RBPMS: variants seen among roughly 807,000 people sequenced by gnomAD.
RBPMS encodes RNA binding protein, mRNA processing factor.
RBPMS carries 7 observed loss-of-function variants against 26.8 expected under a neutral mutation model. The ratio of observed to expected loss-of-function variants is 0.26; its 90% confidence interval spans 0.15 to 0.49. The LOEUF is 0.49. Ranked by LOEUF, RBPMS falls within the 20% of genes least tolerant of loss-of-function variation. RBPMS has a pLI of 0.98. For synonymous variants in RBPMS, 96 were observed against 93.3 expected, an observed-to-expected ratio of 1.03 and a Z score of -0.17; for missense variants, 186 against 250.0, an observed-to-expected ratio of 0.74 and a Z score of 1.73.
At chr8:30,545,450 C>A in intron 6 of RBPMS, 1 of 1,009,098 alleles carries the variant, frequency 9.9e-7, no homozygotes, top group African/African-American at 1.7e-5. Context: ...GATTGATGAC[C>A]AGTAACAAAT....
At chr8:30,475,230 C>T (rs1817559742) in intron 2 of RBPMS, among the ~76,000 whole-genome samples, 1 of 152,094 alleles carries the variant, frequency 6.6e-6, no homozygotes, top group Non-Finnish European at 1.5e-5. Flanking sequence ...TTAAAGGATA[C>T]CTAGGTGTAA....
intron 1 of RBPMS, among the ~76,000 whole-genome samples, chr8:30,472,406 A>G (rs1268000958): frequency 1.3e-5 from 2 of 152,220 alleles, no homozygotes; most frequent in African/African-American, 4.8e-5. Context: ...GGGATGGAGA[A>G]TGGTGGGACA....
At chr8:30,459,859 T>G (rs1313763538) in intron 1 of RBPMS, among the ~76,000 whole-genome samples, 1 of 152,228 alleles carries the variant, frequency 6.6e-6, no homozygotes, top group East Asian at 1.9e-4. Flanking sequence ...TAACCTAGAT[T>G]ATTTCTCAAC....
chr8:30,492,005 C>T (rs1380789394), intron 4 of RBPMS, among the ~76,000 whole-genome samples: 3 of 152,138 alleles, frequency 2.0e-5, no homozygotes, highest in African/African-American at 7.2e-5. Flanking sequence ...AATTCTTCTG[C>T]CTCAGCCTCC....
At chr8:30,527,064 T>A (rs1044065066) in intron 5 of RBPMS, among the ~76,000 whole-genome samples, 6 of 152,174 alleles carry the variant, frequency 3.9e-5, no homozygotes, top group African/African-American at 1.4e-4. Flanking sequence ...ACTTTCCCAG[T>A]TCTCTCTCCA....
At position 30,503,608 on chromosome 8, in the gene RBPMS, G is replaced by A. The variant is rs1449908040; in HGVS notation, c.247-678G>A. ...TTAGGAAGAATGGTGGCGAGGGGGC[G>A]GGGGATGCTTTGGAGCCCTCAGGCC... On this transcript the variant is annotated intron_variant, in intron 4 of 8. Transcript: ENST00000397323. 3.3e-5 allele frequency among the ~76,000 whole-genome samples: 5 copies of A among 151,634 alleles called. No individual in the cohort carries two copies. The South Asian group carries it at 6.3e-4, about 19-fold the overall frequency.
intron 5 of RBPMS, among the ~76,000 whole-genome samples, chr8:30,521,606 A>C (rs1296624560): frequency 1.3e-5 from 2 of 152,214 alleles, no homozygotes; most frequent in African/African-American, 2.4e-5. Flanking sequence ...GATTACTCAT[A>C]TAATTGTGAG....
intron 4 of RBPMS, 55 bp downstream of exon 4, chr8:30,479,432 A>G (rs562746922): frequency 6.4e-6 from 8 of 1,259,348 alleles, no homozygotes; most frequent in Middle Eastern, 1.9e-4. Context: ...GTGGGAAGTA[A>G]TGGAATCTCT....
chr8:30,515,075 G>A (rs1006080694), intron 5 of RBPMS, among the ~76,000 whole-genome samples: 1 of 152,060 alleles, frequency 6.6e-6, no homozygotes, highest in Non-Finnish European at 1.5e-5. Context: ...AGGGTCAAAC[G>A]ATCCTCTCTC....
intron 1 of RBPMS, among the ~76,000 whole-genome samples, chr8:30,454,722 G>A (rs1294201529): frequency 6.6e-6 from 1 of 152,190 alleles, no homozygotes; most frequent in Non-Finnish European, 1.5e-5. Context: ...GTACTACTGT[G>A]TTACACATTG....
At chr8:30,533,238 G>A (rs1040051856) in intron 5 of RBPMS, among the ~76,000 whole-genome samples, 1 of 152,178 alleles carries the variant, frequency 6.6e-6, no homozygotes. Context: ...CGATCATGGA[G>A]TATGCAGGGG....
chr8:30,414,757 GTA>G (rs1380443664), intron 1 of RBPMS, among the ~76,000 whole-genome samples: 2 of 152,090 alleles, frequency 1.3e-5, no homozygotes, highest in African/African-American at 4.8e-5. Context: ...GGAAAATAAA[GTA>G]TGAGGAAGGA....
chr8:30,501,241 C>T (rs1820518776), intron 4 of RBPMS, among the ~76,000 whole-genome samples: 1 of 151,792 alleles, frequency 6.6e-6, no homozygotes, highest in African/African-American at 2.4e-5. Flanking sequence ...TCTCCCCAGT[C>T]TGCTTGTTCA....
chr8:30,512,303 CTA>C (rs768756155), intron 5 of RBPMS, among the ~76,000 whole-genome samples: 2 of 152,038 alleles, frequency 1.3e-5, no homozygotes, highest in Middle Eastern at 3.2e-3. Flanking sequence ...ACATAAATAT[CTA>C]TGCATTTATA....
intron 1 of RBPMS, among the ~76,000 whole-genome samples, chr8:30,432,930 A>G (rs1270403212): frequency 1.3e-5 from 2 of 152,264 alleles, no homozygotes; most frequent in East Asian, 3.8e-4. Flanking sequence ...AAAATCACAC[A>G]GGGTCTGGAA....
chr8:30,409,426 C>T (rs759468618), intron 1 of RBPMS, among the ~76,000 whole-genome samples: 20 of 152,236 alleles, frequency 1.3e-4, no homozygotes, highest in Non-Finnish European at 2.8e-4. Flanking sequence ...CTCCCAGCCT[C>T]AGGTGATCTG....
intron 1 of RBPMS, among the ~76,000 whole-genome samples, chr8:30,431,556 G>A (rs963215026): frequency 1.3e-5 from 2 of 151,850 alleles, no homozygotes; most frequent in African/African-American, 4.8e-5. Flanking sequence ...CTAGGTTCAA[G>A]TAATTCTCCT....
At chr8:30,540,201 GGAGAA>G in intron 5 of RBPMS, among the ~76,000 whole-genome samples, 1 of 152,304 alleles carries the variant, frequency 6.6e-6, no homozygotes, top group South Asian at 2.1e-4. Flanking sequence ...AAGAGGAGGG[GGAGAA>G]GGGTGCCTCT....
chr8:30,431,300 C>T (rs970575830), intron 1 of RBPMS, among the ~76,000 whole-genome samples: 46 of 152,120 alleles, frequency 3.0e-4, no homozygotes, highest in African/African-American at 1.1e-3. Context: ...TCAAGGCCTA[C>T]ACCCAATCCC....
Sources: allele counts gnomAD v4.1 joint callset (sites outside exome capture counted in the v4.1 genomes callset), GRCh38; gene constraint gnomAD v4.1.1; transcripts MANE v1.5; gene names NCBI Gene and HGNC (gene_info 2026-07-23, HGNC 2026-07-21).